CCDC180: variants seen among roughly 807,000 people sequenced by gnomAD.
CCDC180 encodes the protein coiled-coil domain-containing protein 180.
CCDC180 carries 154 observed loss-of-function variants against 209.2 expected under a neutral mutation model. The ratio of observed to expected loss-of-function variants is 0.74; its 90% CI spans 0.65 to 0.84. CCDC180 has a LOEUF of 0.84. Ranked by LOEUF, CCDC180 falls within the 40% of genes least tolerant of loss-of-function variation. The pLI is 0.00. For missense variants in CCDC180, 1,874 were observed against 1,997.3 expected, an observed-to-expected ratio of 0.94 and a Z score of 1.18; for synonymous variants, 778 against 749.1, an observed-to-expected ratio of 1.04 and a Z score of -0.63.
chr9:97,328,237 C>A, intron 16 of CCDC180, 91 bp downstream of exon 16: 1 of 1,422,750 alleles, frequency 7.0e-7, no homozygotes, highest in Non-Finnish European at 9.6e-7. Flanking sequence ...ACTTTGAAAG[C>A]CATTCCTAAT....
chr9:97,347,370 A>G lies in CCDC180; in HGVS notation c.2555A>G (p.Asn852Ser). ...LEKWFDQCSL[N>S]TRVTVATKIN... ...AAGTGGTTTGACCAGTGTTCCCTCA[A>G]CACCCGGGTCACCGTGGCCACCAAA... Residue 852 changes from asparagine to serine, a missense_variant, in exon 20 of 37, where the codon AAC becomes AGC. Asn to Ser is a conservative substitution (Grantham distance 46). Coordinates refer to ENST00000529487, the MANE Select transcript of CCDC180 (RefSeq NM_020893.6). 1 of 1,536,070 alleles carries G rather than the reference A, an allele frequency of 6.5e-7. No homozygotes were observed. Among genetic ancestry groups the G allele is most frequent in the Non-Finnish European group, 8.7e-7 (1 of 1,146,902 alleles).
At chr9:97,323,474 T>G (rs1833422222) in intron 12 of CCDC180, among the ~76,000 whole-genome samples, 1 of 152,002 alleles carries the variant, frequency 6.6e-6, no homozygotes, top group South Asian at 2.1e-4. Flanking sequence ...AACTATTGAG[T>G]CAGAATGTCC....
intron 31 of CCDC180, among the ~76,000 whole-genome samples, chr9:97,367,564 C>G (rs1459025763): frequency 1.3e-5 from 2 of 151,862 alleles, no homozygotes; most frequent in Admixed American, 1.3e-4. Context: ...ACCTCTGTCT[C>G]CTGGGTTCAA....
chr9:97,359,361 A>G (rs1279760242), intron 25 of CCDC180, among the ~76,000 whole-genome samples: 1 of 152,084 alleles, frequency 6.6e-6, no homozygotes, highest in Non-Finnish European at 1.5e-5. Context: ...GGTGAGGATC[A>G]TGTGAGCATG....
chr9:97,315,615 A>G (rs1833144758), intron 8 of CCDC180, among the ~76,000 whole-genome samples: 1 of 152,254 alleles, frequency 6.6e-6, no homozygotes, highest in Admixed American at 6.5e-5. Flanking sequence ...CCAAAGGCAC[A>G]CTGTGGGTTT....
At chr9:97,335,129 C>T (rs1338745113) in intron 18 of CCDC180, among the ~76,000 whole-genome samples, 2 of 151,718 alleles carry the variant, frequency 1.3e-5, no homozygotes, top group Non-Finnish European at 2.9e-5. Context: ...AGCTTTCTTC[C>T]TTCTTTTGCT....
At position 97,377,074 on chromosome 9, in the gene CCDC180, T is replaced by G; in HGVS notation, c.*180T>G. 3.7e-6 allele frequency: 2 copies of G among 534,690 alleles called. No individual in the cohort carries two copies. Among genetic ancestry groups the G allele is most frequent in the Non-Finnish European group, 6.1e-6 (2 of 329,988 alleles). The allele number at this position is 534,690 out of a possible 1,614,324, so 33.1% of individuals were successfully genotyped here. A position where few individuals can be genotyped will look rare whatever the true frequency, so the allele number is the denominator to read the frequency against. ...CATGGTCCCTGCCCACGTGGAGCCCTCTTCCCATGAGGAAGGCAAGCATGA... is the reference window on the plus strand; with the variant it reads ...CATGGTCCCTGCCCACGTGGAGCCCGCTTCCCATGAGGAAGGCAAGCATGA... On this transcript the variant is annotated 3_prime_UTR_variant, in exon 37 of 37. Transcript: ENST00000529487.
At chr9:97,318,280 C>T (rs989036492) in intron 9 of CCDC180, among the ~76,000 whole-genome samples, 183 bp from the exon 10 acceptor site, 1 of 152,184 alleles carries the variant, frequency 6.6e-6, no homozygotes, top group Non-Finnish European at 1.5e-5. Flanking sequence ...CCCACCCACC[C>T]TCTGTCCCTC....
Position 97,366,757 on chromosome 9 carries a change from G to A in CCDC180, c.4189+57G>A. 11 of 1,586,814 alleles carry A rather than the reference G, an allele frequency of 6.9e-6. No homozygotes were observed. Among genetic ancestry groups the A allele is most frequent in the Admixed American group, 1.8e-5 (1 of 56,962 alleles). On this transcript the variant is annotated intron_variant, in intron 31 of 36. Coordinates refer to ENST00000529487, the MANE Select transcript of CCDC180 (RefSeq NM_020893.6). The surrounding 1 kb of genome is among the most constrained non-coding windows in gnomAD (Gnocchi z 4.3). Reference sequence around the variant, plus strand: ...CAGGGCGGGGCGCGAAGCCAGTGGTGGAGCTCGGCCTTGGCCTTGTGGCCT... The same window carrying A: ...CAGGGCGGGGCGCGAAGCCAGTGGTAGAGCTCGGCCTTGGCCTTGTGGCCT...
intron 5 of CCDC180, among the ~76,000 whole-genome samples, chr9:97,313,954 A>C (rs1481823030): frequency 6.6e-6 from 1 of 152,068 alleles, no homozygotes; most frequent in Admixed American, 6.6e-5. Context: ...TCTGTGCCCA[A>C]AGCACCAAGA....
In CCDC180 at chr9:97,309,423, G is replaced by A. The variant is rs770362825; in HGVS notation, c.79G>A (p.Val27Ile). The A allele has an allele frequency of 6.3e-7, 1 of 1,598,986 alleles. No homozygotes were observed. The highest frequency in any genetic ancestry group is 1.1e-5 in the South Asian group (1 of 88,562). Reference protein sequence around the residue: ...QQIFQAEVQLVHSLAATRKRA... With the variant: ...QQIFQAEVQLIHSLAATRKRA... ...TCCTCCCTGGATTCAGGTGCAGCTG[G>A]TCCACTCCCTGGCGGCCACCAGGAA... Residue 27 changes from valine to isoleucine, a missense_variant, in exon 3 of 37, where the codon GTC (valine) becomes ATC (isoleucine). Coordinates refer to ENST00000529487, the MANE Select transcript of CCDC180 (RefSeq NM_020893.6).
In CCDC180 at chr9:97,325,033, T is replaced by C. The variant is rs535843423; in HGVS notation, c.1386T>C (p.Thr462=). ...DLELLDKSFE[T]LADQTEWQSS... is the part of the protein sequence containing the mutation. ...TGCCACTGCAGAAATCCTTCGAGAC[T>C]CTGGCAGATCAGACAGAGTGGCAGA... The change falls in exon 14 of 37, where the codon ACT becomes ACC. Residue 462 remains threonine, a synonymous_variant. Coordinates refer to ENST00000529487, the MANE Select transcript of CCDC180 (RefSeq NM_020893.6). 2 of 1,613,848 alleles carry C rather than the reference T, an allele frequency of 1.2e-6. No individual in the cohort carries two copies. Among genetic ancestry groups the C allele is most frequent in the South Asian group, 2.2e-5 (2 of 91,000 alleles).
At chr9:97,375,795 A>T in intron 36 of CCDC180, 1 of 618,972 alleles carries the variant, frequency 1.6e-6, no homozygotes. Flanking sequence ...CTGAGGCGTG[A>T]TCCCAATGCT....
At position 97,362,293 on chromosome 9, in the gene CCDC180, G is replaced by T; in HGVS notation, c.3754G>T (p.Ala1252Ser). 1.2e-6 allele frequency: 2 copies of T among 1,614,194 alleles called. No individual in the cohort carries two copies. The highest frequency in any genetic ancestry group is 1.7e-6 in the Non-Finnish European group (2 of 1,180,044). ...CTGTGGGTCTCGGGGCAGCAGTGAGGCAGGGGCTGGTGGTGCTGTGTGCTC... is the reference window on the plus strand; with the variant it reads ...CTGTGGGTCTCGGGGCAGCAGTGAGTCAGGGGCTGGTGGTGCTGTGTGCTC... Reference protein sequence around the residue: ...WACGSRGSSEAGAGGAVCSPP... With the variant: ...WACGSRGSSESGAGGAVCSPP... Residue 1252 changes from alanine to serine, a missense_variant, in exon 28 of 37, where the codon GCA becomes TCA. Ala to Ser is a moderately conservative substitution (Grantham distance 99). Transcript: ENST00000529487.
intron 18 of CCDC180, among the ~76,000 whole-genome samples, chr9:97,337,128 C>T (rs1402216261): frequency 1.3e-5 from 2 of 152,166 alleles, no homozygotes; most frequent in East Asian, 3.9e-4. Flanking sequence ...ATTTGACTTC[C>T]TGTTTTCCTA....
rs937117843 is a variant in CCDC180, at chr9:97,343,707, AAC to A, written c.2498+148_2498+149del. 8.1e-5 allele frequency: 54 copies of A among 664,214 alleles called. No individual in the cohort carries two copies. In the African/African-American group the frequency reaches 8.2e-4, roughly 10 times the overall value. 41.1% of individuals were successfully genotyped at this position (664,214 alleles called of 1,614,324 possible). ...TAACTGAAGGAAGGTAGGGGTGAGA[AAC>A]ACAATAAAAAATGGCAAAATCCAGG... On this transcript the variant is annotated intron_variant, in intron 19 of 36. Coordinates refer to ENST00000529487, the MANE Select transcript of CCDC180 (RefSeq NM_020893.6).
chr9:97,369,046 A>G (rs534099634), intron 31 of CCDC180, among the ~76,000 whole-genome samples: 2 of 152,354 alleles, frequency 1.3e-5, no homozygotes, highest in Admixed American at 1.3e-4. Flanking sequence ...AGAGAATAAA[A>G]TAAAACTTTC....
At position 97,362,311 on chromosome 9, in the gene CCDC180, G is replaced by A; in HGVS notation, c.3772G>A (p.Val1258Met). 3.1e-6 allele frequency: 5 copies of A among 1,614,172 alleles called. No homozygotes were observed. Among genetic ancestry groups the A allele is most frequent in the Non-Finnish European group, 4.2e-6 (5 of 1,180,024 alleles). ...GSSEAGAGGA[V>M]CSPPVLCSCP... is the part of the protein sequence containing the mutation. ...CAGTGAGGCAGGGGCTGGTGGTGCTGTGTGCTCACCTCCTGTCCTCTGCTC... is the reference window on the plus strand; with the variant it reads ...CAGTGAGGCAGGGGCTGGTGGTGCTATGTGCTCACCTCCTGTCCTCTGCTC... The change falls in exon 28 of 37, where the codon GTG becomes ATG. Residue 1258 changes from valine to methionine, a missense_variant. Transcript: ENST00000529487.
intron 11 of CCDC180, 52 bp downstream of exon 11, chr9:97,320,257 A>C: frequency 1.3e-6 from 2 of 1,529,058 alleles, no homozygotes; most frequent in Non-Finnish European, 9.1e-7. Context: ...CTGTTTAAGC[A>C]GTTGCTTTGC....
Sources: gnomAD v4.1 joint callset for allele counts (sites outside exome capture counted in the v4.1 genomes callset) on GRCh38, gnomAD v4.1.1 for gene constraint, Gnocchi (gnomAD v3.1) non-coding constraint, MANE v1.5 for transcripts, NCBI Gene and HGNC (gene_info 2026-07-23, HGNC 2026-07-21) for gene names.